BTBD8: variants seen among roughly 807,000 people sequenced by gnomAD.
BTBD8 encodes the protein BTB/POZ domain-containing protein 8.
Under a neutral mutation model 162.9 loss-of-function variants are expected in BTBD8, and 110 were observed. The observed-to-expected ratio is 0.68, with a 90% confidence interval of 0.58 to 0.79. The LOEUF (loss-of-function observed/expected upper bound fraction) is 0.79. BTBD8 is among the 30% of genes least tolerant of loss of function. BTBD8 has a pLI of 0.00. For synonymous variants in BTBD8, 667 were observed against 716.1 expected (o/e 0.93, Z 1.10); for missense variants, 1,905 against 2,085.4 (o/e 0.91, Z 1.68).
At chr1:92,114,626 C>G (rs1648986426) in intron 4 of BTBD8, among the ~76,000 whole-genome samples, 1 of 151,994 alleles carries the variant, frequency 6.6e-6, no homozygotes, top group African/African-American at 2.4e-5. Context: ...ATTAAATATT[C>G]ATTTGATTGT....
intron 9 of BTBD8, chr1:92,150,694 C>G (rs1650025117): frequency 6.6e-6 from 1 of 152,182 alleles, no homozygotes; most frequent in African/African-American, 2.4e-5. Context: ...AGGGTGCACT[C>G]ACAGCACAGA....
intron 2 of BTBD8, among the ~76,000 whole-genome samples, chr1:92,101,436 TG>T (rs1648588157): frequency 6.6e-6 from 1 of 152,090 alleles, no homozygotes. Flanking sequence ...AAAATTCACA[TG>T]GAAGAAGACA....
At chr1:92,103,631 A>G (rs1471744303) in intron 3 of BTBD8, among the ~76,000 whole-genome samples, 1 of 152,212 alleles carries the variant, frequency 6.6e-6, no homozygotes, top group South Asian at 2.1e-4. Context: ...AAGCTTCCAC[A>G]GGTTGTTGGC....
rs1005214613 is a variant in BTBD8 at position 92,177,151 on chromosome 1, T to A, written c.1958T>A (p.Met653Lys). Residue 653 changes from methionine (M) to lysine (K), a missense_variant, in exon 14 of 18, where the codon ATG becomes AAG. Met to Lys is a moderately conservative substitution (Grantham distance 95). This residue lies in a region of BTBD8 where 1,374 missense variants were observed against 1,442.7 expected (regional missense o/e 0.95). Transcript: ENST00000636805. ...ENGDKARLEN[M>K]SPRQVVERSA... ...GGTGATAAGGCACGGTTGGAAAACA[T>A]GTCACCTAGACAAGTTGTAGAAAGA... 3.9e-6 allele frequency: 6 copies of A among 1,551,596 alleles called. No individual in the cohort carries two copies. The African/African-American group carries it at 8.2e-5, about 21-fold the overall frequency.
chr1:92,134,833 G>A lies in BTBD8; in HGVS notation c.753-4517G>A, dbSNP rs151177399. ...CACACAGGGCTCCACATAGGAGCCTGAAACTTTAGAAAGGACACAATGAAG... is the reference window on the plus strand; with the variant it reads ...CACACAGGGCTCCACATAGGAGCCTAAAACTTTAGAAAGGACACAATGAAG... On this transcript the variant is annotated intron_variant, in intron 5 of 17. Coordinates refer to ENST00000636805, the MANE Select transcript of BTBD8 (RefSeq NM_001376131.1). Among the ~76,000 whole-genome samples, 338 of 151,664 alleles carry A rather than the reference G, an allele frequency of 2.2e-3. 5 individuals carry two copies. The highest frequency in any genetic ancestry group is 7.3e-3 in the African/African-American group (301 of 41,382).
intron 5 of BTBD8, among the ~76,000 whole-genome samples, chr1:92,132,715 G>A (rs1281133615): frequency 6.6e-6 from 1 of 152,162 alleles, no homozygotes; most frequent in African/African-American, 2.4e-5. Flanking sequence ...TTTACTGTAA[G>A]CAAGGCTTTG....
At chr1:92,138,644 G>C (rs970573960) in intron 5 of BTBD8, among the ~76,000 whole-genome samples, 2 of 152,182 alleles carry the variant, frequency 1.3e-5, no homozygotes. Context: ...ATAACCAGTT[G>C]TTGTCCACCA....
chr1:92,128,679 C>G (rs1649430570), intron 4 of BTBD8, among the ~76,000 whole-genome samples: 1 of 152,098 alleles, frequency 6.6e-6, no homozygotes, highest in South Asian at 2.1e-4. Context: ...CTCGGCCTCC[C>G]AAAGTGCTGA....
intron 2 of BTBD8, among the ~76,000 whole-genome samples, chr1:92,092,753 G>T (rs1485882972): frequency 1.3e-5 from 2 of 152,006 alleles, no homozygotes; most frequent in African/African-American, 2.4e-5. Flanking sequence ...TGGATTTTCG[G>T]GTTTTTATGT....
intron 13 of BTBD8, among the ~76,000 whole-genome samples, chr1:92,173,141 T>C (rs1650601180): frequency 6.6e-6 from 1 of 152,194 alleles, no homozygotes; most frequent in Admixed American, 6.5e-5. Context: ...TTCAGGCTGG[T>C]CTCGAACTCC....
At chr1:92,165,206 A>G (rs970590376) in intron 9 of BTBD8, among the ~76,000 whole-genome samples, 5 of 152,260 alleles carry the variant, frequency 3.3e-5, no homozygotes, top group African/African-American at 1.2e-4. Context: ...TTAGAGATTG[A>G]CTGATAGACT....
intron 5 of BTBD8, among the ~76,000 whole-genome samples, chr1:92,131,768 T>C (rs1649522697): frequency 6.6e-6 from 1 of 151,634 alleles, no homozygotes; most frequent in Non-Finnish European, 1.5e-5. Flanking sequence ...GATGATCTAA[T>C]TAAATTCTCT....
chr1:92,086,305 CCACAAGGGG>C, intron 1 of BTBD8, among the ~76,000 whole-genome samples: 1 of 152,198 alleles, frequency 6.6e-6, no homozygotes, highest in Non-Finnish European at 1.5e-5. Flanking sequence ...GTTCCAAAGG[CCACAAGGGG>C]TTTTAGACCC....
intron 4 of BTBD8, among the ~76,000 whole-genome samples, chr1:92,118,803 C>CTTTTTTTTTTTTTTTTTTTTTTTTT (rs386367658): frequency 7.3e-5 from 7 of 95,272 alleles, no homozygotes; most frequent in African/African-American, 9.3e-5. Flanking sequence ...TTCTTTCTTT[C>CTTTTTTTTTTTTTTTTTTTTTTTTT]TTTTTTTTTT....
chr1:92,087,288 T>C (rs527531229), intron 1 of BTBD8, among the ~76,000 whole-genome samples: 1 of 151,774 alleles, frequency 6.6e-6, no homozygotes, highest in South Asian at 2.1e-4. Flanking sequence ...AGTGCTTCCT[T>C]ATTCACTTGA....
chr1:92,111,193 A>G (rs1480771864), intron 4 of BTBD8, among the ~76,000 whole-genome samples: 2 of 151,496 alleles, frequency 1.3e-5, no homozygotes. Flanking sequence ...GGGTTTCACC[A>G]TGTTGGCCAG....
Position 92,141,161 on chromosome 1 carries a change from G to A in BTBD8, c.880G>A (p.Glu294Lys). The change falls in exon 7 of 18, where the codon GAA becomes AAA. Residue 294 changes from glutamate to lysine, a missense_variant. This residue lies in a region of BTBD8 where 1,374 missense variants were observed against 1,442.7 expected (regional missense o/e 0.95). Coordinates refer to ENST00000636805, the MANE Select transcript of BTBD8 (RefSeq NM_001376131.1). ...TATGTATGGACTAGAAGGATTAAAA[G>A]AAGTAGCAATCTATATTTTAAGAAG... ...ADMYGLEGLK[E>K]VAIYILRRDY... is the part of the protein sequence containing the mutation. The A allele has an allele frequency of 6.3e-7, 1 of 1,583,002 alleles. No homozygotes were observed. Among genetic ancestry groups the A allele is most frequent in the Non-Finnish European group, 8.6e-7 (1 of 1,162,990 alleles).
At chr1:92,162,810 T>G (rs1216004443) in intron 9 of BTBD8, among the ~76,000 whole-genome samples, 2 of 152,180 alleles carry the variant, frequency 1.3e-5, no homozygotes, top group African/African-American at 4.8e-5. Context: ...AGAAGTAGTA[T>G]TGACCCAGCA....
At chr1:92,114,011 CAAAAA>C (rs35277981) in intron 4 of BTBD8, among the ~76,000 whole-genome samples, 14 of 94,978 alleles carry the variant, frequency 1.5e-4, no homozygotes, top group African/African-American at 5.2e-4. Flanking sequence ...GACTCCGTCT[CAAAAA>C]AAAAAAAAAA....
Sources: allele counts gnomAD v4.1 joint callset (sites outside exome capture counted in the v4.1 genomes callset), GRCh38; gene constraint gnomAD v4.1.1; regional missense constraint gnomAD v4.1.1; transcripts MANE v1.5; gene names NCBI Gene and HGNC (gene_info 2026-07-23, HGNC 2026-07-21).